The following SUCLG2 variants were observed in gnomAD, a reference collection of about 807,000 sequenced individuals.
SUCLG2 encodes succinate-CoA ligase GDP-forming subunit beta.
In SUCLG2, 42 loss-of-function variants were observed where a neutral mutation model predicts 47.9. The ratio of observed to expected loss-of-function variants is 0.88; its 90% CI spans 0.69 to 1.14. The LOEUF (loss-of-function observed/expected upper bound fraction) is 1.14. Ranked by LOEUF, SUCLG2 falls within the 50% of genes most tolerant of loss-of-function variation. The pLI is 0.00. For missense variants in SUCLG2, 571 were observed against 525.9 expected, an observed-to-expected ratio of 1.09 and a Z score of -0.84; for synonymous variants, 195 against 197.3, an observed-to-expected ratio of 0.99 and a Z score of 0.10.
intron 10 of SUCLG2, among the ~76,000 whole-genome samples, chr3:67,396,206 C>G (rs551219250): frequency 3.7e-4 from 56 of 152,146 alleles, no homozygotes; most frequent in African/African-American, 1.1e-3. Flanking sequence ...ACACAAAAAA[C>G]CCTTCAAAAA....
chr3:67,396,700 C>T (rs1314853826), intron 10 of SUCLG2, among the ~76,000 whole-genome samples: 1 of 152,112 alleles, frequency 6.6e-6, no homozygotes, highest in Non-Finnish European at 1.5e-5. Flanking sequence ...GATACCAAAG[C>T]CTGGCAGAGA....
At chr3:67,516,696 G>A (rs561221735) in intron 6 of SUCLG2, among the ~76,000 whole-genome samples, 1 of 152,314 alleles carries the variant, frequency 6.6e-6, no homozygotes, top group South Asian at 2.1e-4. Context: ...TGAGTAGGAT[G>A]GACAAAGTCC....
intron 9 of SUCLG2, among the ~76,000 whole-genome samples, chr3:67,409,335 A>G (rs1702885167): frequency 6.6e-6 from 1 of 152,272 alleles, no homozygotes; most frequent in Middle Eastern, 3.4e-3. Context: ...TACCATTGCC[A>G]CTATTATTCT....
intron 9 of SUCLG2, among the ~76,000 whole-genome samples, chr3:67,409,332 G>A (rs1702885121): frequency 6.6e-6 from 1 of 152,052 alleles, no homozygotes; most frequent in South Asian, 2.1e-4. Context: ...GTATACCATT[G>A]CCACTATTAT....
At chr3:67,527,568 C>T (rs900752383) in intron 4 of SUCLG2, among the ~76,000 whole-genome samples, 3 of 152,134 alleles carry the variant, frequency 2.0e-5, no homozygotes, top group Non-Finnish European at 4.4e-5. Context: ...AGGCAGGCCA[C>T]TTTCCTCTGG....
chr3:67,477,197 C>T (rs1559540831), intron 9 of SUCLG2, among the ~76,000 whole-genome samples: 2 of 152,176 alleles, frequency 1.3e-5, no homozygotes, highest in Admixed American at 1.3e-4. Context: ...CTACCTCCCC[C>T]ATCCCAAGAA....
chr3:67,564,587 CAGTT>C (rs1275180534), intron 2 of SUCLG2, among the ~76,000 whole-genome samples: 2 of 152,256 alleles, frequency 1.3e-5, no homozygotes, highest in African/African-American at 4.8e-5. Flanking sequence ...CTATACAAAA[CAGTT>C]AGCAAGCTTG....
chr3:67,514,134 G>A (rs535273887), intron 6 of SUCLG2: 22 of 302,658 alleles, frequency 7.3e-5, no homozygotes, highest in African/African-American at 4.9e-4. Context: ...ATCCTGCCTT[G>A]ATTTGTTGGA....
intron 9 of SUCLG2, among the ~76,000 whole-genome samples, chr3:67,411,348 A>C (rs1293071017): frequency 6.6e-6 from 1 of 152,166 alleles, no homozygotes; most frequent in African/African-American, 2.4e-5. Flanking sequence ...TCTGTAAATA[A>C]CAAATCTAAT....
At chr3:67,553,303 G>C (rs1204512129) in intron 2 of SUCLG2, among the ~76,000 whole-genome samples, 3 of 152,206 alleles carry the variant, frequency 2.0e-5, no homozygotes, top group Non-Finnish European at 2.9e-5. Context: ...TGTTCCCTTT[G>C]TCCATGGTGG....
intron 9 of SUCLG2, among the ~76,000 whole-genome samples, chr3:67,454,534 GATATATGTAGCTATACAT>G (rs1461397086): frequency 6.6e-6 from 1 of 152,046 alleles, no homozygotes; most frequent in Admixed American, 6.6e-5. Context: ...TCTCTATAGA[GATATATGTAGCTATACAT>G]ATATAGATAG....
chr3:67,526,440 T>G (rs898686633), intron 4 of SUCLG2, among the ~76,000 whole-genome samples: 1 of 152,216 alleles, frequency 6.6e-6, no homozygotes, highest in Non-Finnish European at 1.5e-5. Flanking sequence ...AGAGCCTTCA[T>G]GACTAATCAC....
chr3:67,651,142 C>A (rs1406344832), intron 1 of SUCLG2, among the ~76,000 whole-genome samples: 1 of 152,170 alleles, frequency 6.6e-6, no homozygotes, highest in Non-Finnish European at 1.5e-5. Flanking sequence ...GTTTCAAAGC[C>A]AGCCTAACTT....
chr3:67,410,008 A>T (rs1702899183), intron 9 of SUCLG2, among the ~76,000 whole-genome samples: 2 of 152,190 alleles, frequency 1.3e-5, no homozygotes, highest in Non-Finnish European at 2.9e-5. Context: ...TGGTCAAATA[A>T]TTTGGATTCT....
rs190403851 is a variant in SUCLG2 at position 67,382,722 on chromosome 3, T to A, written c.1184-6863A>T. Among the ~76,000 whole-genome samples the A allele has an allele frequency of 2.6e-5, 4 of 152,328 alleles. No homozygotes were observed. The East Asian group carries it at 7.7e-4, about 29-fold the overall frequency. ...CTGATTTGCTTCATCAGTGGCTGTT[T>A]GCGCTTTGCAATGGGAGGAGTCAGT... On this transcript the variant is annotated intron_variant, in intron 10 of 10. Coordinates refer to ENST00000307227, the MANE Select transcript of SUCLG2 (RefSeq NM_003848.4).
chr3:67,405,513 T>C (rs763896528), intron 9 of SUCLG2, among the ~76,000 whole-genome samples: 15 of 152,056 alleles, frequency 9.9e-5, no homozygotes, highest in Non-Finnish European at 1.8e-4. Context: ...AAACACAACA[T>C]TTTTGGGGGA....
At chr3:67,535,773 C>T (rs1394980049) in intron 2 of SUCLG2, among the ~76,000 whole-genome samples, 3 of 152,110 alleles carry the variant, frequency 2.0e-5, no homozygotes, top group Non-Finnish European at 4.4e-5. Context: ...CTCTTGCTAA[C>T]ATCTCCACAT....
chr3:67,590,051 C>T (rs1403612134), intron 2 of SUCLG2, among the ~76,000 whole-genome samples: 3 of 151,936 alleles, frequency 2.0e-5, no homozygotes, highest in African/African-American at 7.3e-5. Context: ...TCTATTTGTC[C>T]TTCTGCCTCT....
intron 2 of SUCLG2, among the ~76,000 whole-genome samples, chr3:67,571,690 T>C (rs1038024806): frequency 6.6e-6 from 1 of 152,234 alleles, no homozygotes; most frequent in African/African-American, 2.4e-5. Flanking sequence ...CATTTAATTT[T>C]CCTTGTACAA....
Sources: allele counts gnomAD v4.1 joint callset (sites outside exome capture counted in the v4.1 genomes callset), GRCh38; gene constraint gnomAD v4.1.1; transcripts MANE v1.5; gene names NCBI Gene and HGNC (gene_info 2026-07-23, HGNC 2026-07-21).